Variants in STRIP1 observed in about 807,000 individuals in gnomAD.
The protein encoded by STRIP1 is striatin-interacting protein 1.
STRIP1 carries 63 observed loss-of-function variants against 106.2 expected under a neutral mutation model. The observed-to-expected ratio is 0.59, with a 90% CI of 0.48 to 0.73. The LOEUF is 0.73. STRIP1 is among the 30% of genes least tolerant of loss of function. The pLI, the probability that STRIP1 is intolerant of heterozygous loss-of-function variation, is 0.00. For synonymous variants in STRIP1, 390 were observed against 413.0 expected, an observed-to-expected ratio of 0.94 and a Z score of 0.67; for missense variants, 857 against 1,074.8, an observed-to-expected ratio of 0.80 and a Z score of 2.83.
intron 12 of STRIP1, among the ~76,000 whole-genome samples, 181 bp from the exon 13 acceptor site, chr1:110,046,499 C>A (rs1653025450): frequency 6.6e-6 from 1 of 151,740 alleles, no homozygotes; most frequent in Non-Finnish European, 1.5e-5. Flanking sequence ...GACTTCATCT[C>A]AAAAAAATAA....
In STRIP1 at chr1:110,054,513, G is replaced by A. The variant is rs1389770063; in HGVS notation, c.*601G>A. The A allele has an allele frequency of 6.5e-6, 1 of 152,850 alleles. No individual in the cohort carries two copies. The allele number at this position is 152,850 out of a possible 1,614,324, so 9.5% of individuals were successfully genotyped here. On this transcript the variant is annotated 3_prime_UTR_variant, in exon 21 of 21. Coordinates refer to ENST00000369795, the MANE Select transcript of STRIP1 (RefSeq NM_033088.4). ...GAAGAGAAGCTTCCCTTAACCAGAG[G>A]GGCCATTTTTCCTTTTGGCTTTCGA...
At chr1:110,038,613 C>G in intron 2 of STRIP1, 70 bp from the exon 3 acceptor site, 1 of 1,310,874 alleles carries the variant, frequency 7.6e-7, no homozygotes, top group East Asian at 2.3e-5. Context: ...GCCTTGCCTT[C>G]TCTGCACTTG....
intron 15 of STRIP1, 155 bp downstream of exon 15, chr1:110,048,024 GT>G: frequency 1.5e-6 from 1 of 648,448 alleles, no homozygotes; most frequent in Non-Finnish European, 2.7e-6. Context: ...AGATTAAAGA[GT>G]TTCACTGGTT....
At chr1:110,039,058 G>A in intron 3 of STRIP1, 114 bp from the exon 4 acceptor site, 1 of 1,205,838 alleles carries the variant, frequency 8.3e-7, no homozygotes, top group Non-Finnish European at 1.2e-6. Context: ...CTTACATAGG[G>A]TGTAACTTAT....
At chr1:110,035,834 AT>A (rs1281256174) in intron 1 of STRIP1, among the ~76,000 whole-genome samples, 1 of 152,186 alleles carries the variant, frequency 6.6e-6, no homozygotes, top group African/African-American at 2.4e-5. Context: ...AGAAGCTTTT[AT>A]TTTTTGTTAG....
upstream of STRIP1, among the ~76,000 whole-genome samples, chr1:110,033,705 A>G (rs1652295438): frequency 6.6e-6 from 1 of 152,216 alleles, no homozygotes; most frequent in Non-Finnish European, 1.5e-5. Flanking sequence ...TCCACCTCCA[A>G]ATACCATCAA....
chr1:110,047,233 C>T (rs559097411), intron 13 of STRIP1, among the ~76,000 whole-genome samples: 2 of 152,282 alleles, frequency 1.3e-5, no homozygotes, highest in Non-Finnish European at 2.9e-5. Flanking sequence ...CAGGAACCTG[C>T]CTCTGATGCC....
In STRIP1 at chr1:110,054,576, C is replaced by G. The variant is rs1488371196; in HGVS notation, c.*664C>G. 2 of 152,636 alleles carry G rather than the reference C, an allele frequency of 1.3e-5. No homozygotes were observed. The highest frequency in any genetic ancestry group is 2.1e-4 in the South Asian group (1 of 4,826). The allele number at this position is 152,636 out of a possible 1,614,324, so 9.5% of individuals were successfully genotyped here. ...ATCTATATATAATTCTGTGTGTATT[C>G]TGTGTCATGTTGGGGTTTTTAATGT... On this transcript the variant is annotated 3_prime_UTR_variant, in exon 21 of 21. Transcript: ENST00000369795.
Position 110,041,561 on chromosome 1 carries a change from A to G in STRIP1, c.676A>G (p.Ile226Val). 6.2e-7 allele frequency: 1 copy of G among 1,613,962 alleles called. No individual in the cohort carries two copies. Among genetic ancestry groups the G allele is most frequent in the Non-Finnish European group, 8.5e-7 (1 of 1,179,944 alleles). The change falls in exon 7 of 21, where the codon ATA (isoleucine) becomes GTA (valine). Residue 226 changes from isoleucine (I) to valine (V), a missense_variant. By Grantham distance (29) the Ile-to-Val change is conservative (BLOSUM62 3). Coordinates refer to ENST00000369795, the MANE Select transcript of STRIP1 (RefSeq NM_033088.4). ...GGTCCTGCTCAACATCATGTACCTG[A>G]TAGTGGAGACCGTTCATCAGGAGTG... ...LRVLLNIMYL[I>V]VETVHQECEG...
Position 110,034,836 on chromosome 1 carries a change from C to T in STRIP1, c.180+19C>T. On this transcript the variant is annotated intron_variant, in intron 1 of 20. Coordinates refer to ENST00000369795, the MANE Select transcript of STRIP1 (RefSeq NM_033088.4). Reference sequence around the variant, plus strand: ...CTCAGAGGTCAGGAGCTTCGGGGGGCGAGGCTCGCACCGGGTCGGGCGGCG... The same window carrying T: ...CTCAGAGGTCAGGAGCTTCGGGGGGTGAGGCTCGCACCGGGTCGGGCGGCG... 1 of 1,374,378 alleles carries T rather than the reference C, an allele frequency of 7.3e-7. No homozygotes were observed. Among genetic ancestry groups the T allele is most frequent in the South Asian group, 1.7e-5 (1 of 57,820 alleles). The allele number at this position is 1,374,378 out of a possible 1,614,324, so 85.1% of individuals were successfully genotyped here. A position where few individuals can be genotyped will look rare whatever the true frequency, so the allele number is the denominator to read the frequency against.
At chr1:110,040,506 G>A in intron 5 of STRIP1, 129 bp from the exon 6 acceptor site, 1 of 810,972 alleles carries the variant, frequency 1.2e-6, no homozygotes, top group Non-Finnish European at 1.9e-6. Context: ...TAACCACCGT[G>A]TCCTGTGGCC....
chr1:110,049,440 T>C lies in STRIP1; in HGVS notation c.1789-20T>C. 1 of 1,566,640 alleles carries C rather than the reference T, an allele frequency of 6.4e-7. No individual in the cohort carries two copies. ...AAGGGCCGCGCCTTTTTTTTTTTTT[T>C]TTTTTCCTGTTGGCTTCAGTTTGAA... On this transcript the variant is annotated intron_variant, in intron 16 of 20. Transcript: ENST00000369795.
intron 17 of STRIP1, 101 bp from the exon 18 acceptor site, chr1:110,050,242 C>G: frequency 8.8e-7 from 1 of 1,142,208 alleles, no homozygotes; most frequent in Non-Finnish European, 1.3e-6. Flanking sequence ...TCTGCTCCAA[C>G]AAGTGAGGGA....
chr1:110,040,002 C>G, intron 5 of STRIP1: 1 of 817,476 alleles, frequency 1.2e-6, no homozygotes, highest in Non-Finnish European at 1.8e-6. Flanking sequence ...CATTGAGTGC[C>G]TGTGTGTCCC....
At chr1:110,052,551 C>T (rs563122993) in intron 20 of STRIP1, among the ~76,000 whole-genome samples, 5 of 152,256 alleles carry the variant, frequency 3.3e-5, no homozygotes, top group East Asian at 3.9e-4. Context: ...CTCACTGCAA[C>T]CTCTGCCCCC....
At position 110,054,113 on chromosome 1, in the gene STRIP1, A is replaced by T. The variant is rs1236339458; in HGVS notation, c.*201A>T. 13 of 590,958 alleles carry T rather than the reference A, an allele frequency of 2.2e-5. No homozygotes were observed. Among genetic ancestry groups the T allele is most frequent in the African/African-American group, 1.9e-4 (10 of 53,704 alleles). 36.6% of individuals were successfully genotyped at this position (590,958 alleles called of 1,614,324 possible). ...CCCAGGGTCCTGCTCCGAAGCAGTC[A>T]TCTCTGCCTGAGATCCATTCTTCCT... On this transcript the variant is annotated 3_prime_UTR_variant, in exon 21 of 21. Transcript: ENST00000369795.
chr1:110,039,172 T>C lies in STRIP1; in HGVS notation c.326T>C (p.Val109Ala). The change falls in exon 4 of 21, where the codon GTG becomes GCG. Residue 109 changes from valine (V) to alanine (A), a missense_variant and splice_region_variant. Around this residue, in one of 2 missense-constraint regions of STRIP1, gnomAD observed 750 missense variants for 989.8 expected, o/e 0.76. Coordinates refer to ENST00000369795, the MANE Select transcript of STRIP1 (RefSeq NM_033088.4). ...GTGTAACTGGTTTCTTGCCCTGCAG[T>C]GACAGACAAGAAGTGGACTGAGCTG... The part of the protein sequence containing the change: ...KCFEEDFRIH[V>A]TDKKWTELDT... The C allele has an allele frequency of 1.2e-6, 2 of 1,613,996 alleles. No individual in the cohort carries two copies. The highest frequency in any genetic ancestry group is 2.2e-5 in the East Asian group (1 of 44,880).
intron 5 of STRIP1, 180 bp downstream of exon 5, chr1:110,039,695 A>G: frequency 1.0e-6 from 1 of 987,996 alleles, no homozygotes; most frequent in Non-Finnish European, 1.5e-6. Context: ...AGATTAATGG[A>G]GACTAATGAC....
At chr1:110,035,813 A>G (rs376247947) in intron 1 of STRIP1, among the ~76,000 whole-genome samples, 1 of 152,258 alleles carries the variant, frequency 6.6e-6, no homozygotes, top group Non-Finnish European at 1.5e-5. Flanking sequence ...GACCTGTGGA[A>G]TCAGTTCCTC....
Sources: allele counts gnomAD v4.1 joint callset (sites outside exome capture counted in the v4.1 genomes callset), GRCh38; gene constraint gnomAD v4.1.1; regional missense constraint gnomAD v4.1.1; transcripts MANE v1.5; gene names NCBI Gene and HGNC (gene_info 2026-07-23, HGNC 2026-07-21).